The following PDE3A variants were observed in gnomAD, a reference collection of about 807,000 sequenced individuals.
The protein encoded by PDE3A is phosphodiesterase 3A.
Under a neutral mutation model 98.3 loss-of-function variants are expected in PDE3A, and 43 were observed. That is an observed-to-expected ratio of 0.44 (90% CI 0.34 to 0.56). PDE3A has a LOEUF of 0.56. PDE3A is among the 20% of genes least tolerant of loss of function. The probability of loss-of-function intolerance (pLI) is 0.01; values close to 1 mark genes in which losing one functional copy is unlikely to be tolerated. For synonymous variants in PDE3A, 663 were observed against 567.9 expected (o/e 1.17, Z -2.38); for missense variants, 1,427 against 1,440.7 (o/e 0.99, Z 0.15).
chr12:20,369,821 C>T lies in PDE3A; in HGVS notation c.537C>T (p.Gly179=), dbSNP rs778995685. The part of the protein sequence containing the change: ...GGEALVQIGL[G]VGEDHLLSLP... ...AAGCGCTCGTCCAGATTGGGCTGGGCGTCGGGGAGGATCACTTACTCTCAC... is the reference window on the plus strand; with the variant it reads ...AAGCGCTCGTCCAGATTGGGCTGGGTGTCGGGGAGGATCACTTACTCTCAC... The change falls in exon 1 of 16, where the codon GGC becomes GGT. Residue 179 remains glycine, a synonymous_variant. Transcript: ENST00000359062. The T allele has an allele frequency of 6.2e-6, 10 of 1,611,368 alleles. No individual in the cohort carries two copies. Among genetic ancestry groups the T allele is most frequent in the African/African-American group, 1.3e-5 (1 of 74,882 alleles).
intron 1 of PDE3A, among the ~76,000 whole-genome samples, chr12:20,553,748 A>T (rs1375951672): frequency 6.6e-6 from 1 of 152,258 alleles, no homozygotes; most frequent in Non-Finnish European, 1.5e-5. Flanking sequence ...GAAGGCGGCC[A>T]CGGACGGACG....
chr12:20,370,046 C>T lies in PDE3A; in HGVS notation c.762C>T (p.Tyr254=). ...AGVLGILLAR[Y]VEQILPQSAE... ...TGCTGGGGATCCTCTTGGCCAGGTA[C>T]GTGGAACAAATCTTGCCGCAGTCCG... Residue 254 remains tyrosine (Y), a synonymous_variant, in exon 1 of 16, where the codon TAC becomes TAT. Coordinates refer to ENST00000359062, the MANE Select transcript of PDE3A (RefSeq NM_000921.5). 1 of 1,612,670 alleles carries T rather than the reference C, an allele frequency of 6.2e-7. No homozygotes were observed. The highest frequency in any genetic ancestry group is 8.5e-7 in the Non-Finnish European group (1 of 1,179,660).
At chr12:20,370,416 T>C (rs554164390) in intron 1 of PDE3A, among the ~76,000 whole-genome samples, 172 bp downstream of exon 1, 1 of 149,696 alleles carries the variant, frequency 6.7e-6, no homozygotes, top group African/African-American at 2.4e-5. Flanking sequence ...TTTGTTTTTT[T>C]TTTTTTGTTT....
chr12:20,609,629 C>T (rs897988276), intron 2 of PDE3A, among the ~76,000 whole-genome samples: 1 of 151,998 alleles, frequency 6.6e-6, no homozygotes, highest in Non-Finnish European at 1.5e-5. Context: ...GAAGGCATTA[C>T]ACTTTCTGAT....
At chr12:20,548,261 A>C (rs1411387169) in intron 1 of PDE3A, among the ~76,000 whole-genome samples, 1 of 152,090 alleles carries the variant, frequency 6.6e-6, no homozygotes, top group East Asian at 1.9e-4. Context: ...TCTTTTAAAA[A>C]AAATTTTTTT....
At chr12:20,607,099 A>AAAGT (rs1943728324) in intron 2 of PDE3A, among the ~76,000 whole-genome samples, 2 of 152,062 alleles carry the variant, frequency 1.3e-5, no homozygotes, top group South Asian at 4.2e-4. Context: ...TGGAAATGGG[A>AAAGT]AAGTAGACTG....
At chr12:20,488,616 T>C (rs909188921) in intron 1 of PDE3A, among the ~76,000 whole-genome samples, 2 of 152,096 alleles carry the variant, frequency 1.3e-5, no homozygotes, top group African/African-American at 4.8e-5. Context: ...AAGAATCCCT[T>C]GAACCCAGGA....
chr12:20,548,901 T>C (rs1942127654), intron 1 of PDE3A, among the ~76,000 whole-genome samples: 1 of 152,178 alleles, frequency 6.6e-6, no homozygotes, highest in Admixed American at 6.5e-5. Flanking sequence ...ATTTTGCACT[T>C]AATTCTGAAA....
intron 6 of PDE3A, among the ~76,000 whole-genome samples, chr12:20,632,397 A>C (rs907957637): frequency 6.6e-6 from 1 of 152,236 alleles, no homozygotes; most frequent in Non-Finnish European, 1.5e-5. Context: ...ACAATAAGCT[A>C]TCACTACTTT....
chr12:20,498,204 A>G (rs1945957826), intron 1 of PDE3A, among the ~76,000 whole-genome samples: 1 of 152,124 alleles, frequency 6.6e-6, no homozygotes, highest in Admixed American at 6.6e-5. Flanking sequence ...CCTAATGTTA[A>G]ATAATATAAA....
chr12:20,551,660 G>T, intron 1 of PDE3A: 2 of 1,600,702 alleles, frequency 1.2e-6, no homozygotes, highest in Non-Finnish European at 1.7e-6. Context: ...CACATCTACT[G>T]CCTGGACCCG....
intron 2 of PDE3A, among the ~76,000 whole-genome samples, chr12:20,605,235 C>T (rs946183285): frequency 6.6e-6 from 1 of 152,102 alleles, no homozygotes; most frequent in Non-Finnish European, 1.5e-5. Context: ...TAGGCAAATG[C>T]GTAACTTACC....
chr12:20,414,800 AT>A (rs1332521453), intron 1 of PDE3A, among the ~76,000 whole-genome samples: 1 of 152,058 alleles, frequency 6.6e-6, no homozygotes, highest in East Asian at 1.9e-4. Flanking sequence ...AATTATTGTT[AT>A]TTTTTTCTTG....
At chr12:20,531,668 T>A (rs901563367) in intron 1 of PDE3A, among the ~76,000 whole-genome samples, 33 of 152,204 alleles carry the variant, frequency 2.2e-4, no homozygotes, top group East Asian at 5.8e-4. Flanking sequence ...ATTTATTCTG[T>A]TGGAAAAAAA....
chr12:20,670,366 A>T (rs1263589099), intron 15 of PDE3A, among the ~76,000 whole-genome samples: 1 of 149,858 alleles, frequency 6.7e-6, no homozygotes, highest in African/African-American at 2.5e-5. Flanking sequence ...CATCTACAGA[A>T]CTCTCCACCC....
chr12:20,462,464 C>T (rs775018905), intron 1 of PDE3A, among the ~76,000 whole-genome samples: 13 of 152,166 alleles, frequency 8.5e-5, no homozygotes, highest in Non-Finnish European at 1.6e-4. Flanking sequence ...GAACTCCAGC[C>T]TGGTCAACGA....
chr12:20,383,365 T>G (rs866769796), intron 1 of PDE3A, among the ~76,000 whole-genome samples: 10 of 151,940 alleles, frequency 6.6e-5, no homozygotes, highest in Admixed American at 1.3e-4. Flanking sequence ...GTGCCATTAT[T>G]CTCAAATGAC....
At chr12:20,572,914 T>C (rs762562598) in intron 2 of PDE3A, among the ~76,000 whole-genome samples, 14 of 152,062 alleles carry the variant, frequency 9.2e-5, no homozygotes, top group Admixed American at 7.9e-4. Context: ...CAATATATAA[T>C]ATCTTCCCCC....
At chr12:20,652,177 A>C (rs1417681243) in intron 14 of PDE3A, among the ~76,000 whole-genome samples, 1 of 152,130 alleles carries the variant, frequency 6.6e-6, no homozygotes, top group Non-Finnish European at 1.5e-5. Flanking sequence ...ATTGTTGGAC[A>C]TTTGGGTTGG....
Sources: gnomAD v4.1 joint callset for allele counts (sites outside exome capture counted in the v4.1 genomes callset) on GRCh38, gnomAD v4.1.1 for gene constraint, MANE v1.5 for transcripts, NCBI Gene and HGNC (gene_info 2026-07-23, HGNC 2026-07-21) for gene names.